Variants in SEMA5A observed in about 807,000 individuals in gnomAD.
SEMA5A encodes semaphorin 5A.
SEMA5A carries 55 observed loss-of-function variants against 135.5 expected under a neutral mutation model. The observed-to-expected ratio is 0.41, with a 90% CI of 0.33 to 0.51. The LOEUF (loss-of-function observed/expected upper bound fraction) is 0.51. Ranked by LOEUF, SEMA5A falls within the 20% of genes least tolerant of loss-of-function variation. The pLI, the probability that SEMA5A is intolerant of heterozygous loss-of-function variation, is 0.37. For missense variants in SEMA5A, 1,290 were observed against 1,419.9 expected (o/e 0.91, Z 1.47); for synonymous variants, 580 against 546.5 (o/e 1.06, Z -0.85).
intron 5 of SEMA5A, among the ~76,000 whole-genome samples, chr5:9,317,808 T>C (rs1261469834): frequency 4.6e-5 from 7 of 152,172 alleles, no homozygotes; most frequent in Admixed American, 2.6e-4. Flanking sequence ...AGTGGGCTTT[T>C]GTGACTCAGA....
intron 6 of SEMA5A, among the ~76,000 whole-genome samples, chr5:9,230,185 G>T (rs943059129): frequency 7.2e-6 from 1 of 138,152 alleles, no homozygotes; most frequent in Non-Finnish European, 1.5e-5. Flanking sequence ...TTTTTTGTAG[G>T]GTCAAGGACT....
At position 9,340,792 on chromosome 5, in the gene SEMA5A, T is replaced by C. The variant is rs1262892776; in HGVS notation, c.125-2980A>G. On this transcript the variant is annotated intron_variant, in intron 3 of 22. Transcript: ENST00000382496. ...GGCCATCTCAACTTTGCATATTACATTGGCTTCTATCTCACTGATACCAAG... is the reference window on the plus strand; with the variant it reads ...GGCCATCTCAACTTTGCATATTACACTGGCTTCTATCTCACTGATACCAAG... Among the ~76,000 whole-genome samples, 10 of 152,154 alleles carry C rather than the reference T, an allele frequency of 6.6e-5. No homozygotes were observed. The East Asian group carries it at 1.9e-3, about 29-fold the overall frequency.
chr5:9,474,850 C>T (rs1759610637), intron 1 of SEMA5A, among the ~76,000 whole-genome samples: 1 of 152,224 alleles, frequency 6.6e-6, no homozygotes, highest in African/African-American at 2.4e-5. Context: ...GTTTCTGAAA[C>T]AGGTGAGCCT....
At chr5:9,152,106 A>G (rs79357825) in intron 12 of SEMA5A, among the ~76,000 whole-genome samples, 1 of 152,224 alleles carries the variant, frequency 6.6e-6, no homozygotes, top group South Asian at 2.1e-4. Context: ...CCCAGACTCA[A>G]GGAAGGAGAG....
chr5:9,286,546 C>T lies in SEMA5A; in HGVS notation c.270+31826G>A, dbSNP rs1374487672. Among the ~76,000 whole-genome samples the T allele has an allele frequency of 2.6e-5, 4 of 152,104 alleles. No homozygotes were observed. The South Asian group carries it at 8.3e-4, about 32-fold the overall frequency. ...TTTGCATGCAGAGAAATGTGGTCCT[C>T]TCCTTGGCTCACCACCTCACTGCCA... On this transcript the variant is annotated intron_variant, in intron 5 of 22. Coordinates refer to ENST00000382496, the MANE Select transcript of SEMA5A (RefSeq NM_003966.3).
At chr5:9,181,283 C>A (rs1009515386) in intron 11 of SEMA5A, among the ~76,000 whole-genome samples, 1 of 152,192 alleles carries the variant, frequency 6.6e-6, no homozygotes, top group Non-Finnish European at 1.5e-5. Context: ...AAGCCACATT[C>A]ATAGGTTCAC....
intron 1 of SEMA5A, among the ~76,000 whole-genome samples, chr5:9,479,670 T>C (rs1190279297): frequency 6.6e-6 from 1 of 152,220 alleles, no homozygotes; most frequent in Non-Finnish European, 1.5e-5. Context: ...GAATAAAATC[T>C]TCTTCGGGTA....
intron 11 of SEMA5A, among the ~76,000 whole-genome samples, chr5:9,179,773 TAGG>T (rs1225698921): frequency 2.6e-5 from 4 of 152,024 alleles, no homozygotes; most frequent in Non-Finnish European, 4.4e-5. Context: ...GTTCAGGGAG[TAGG>T]AGAAGACCAG....
intron 1 of SEMA5A, among the ~76,000 whole-genome samples, chr5:9,540,034 C>G (rs1737990439): frequency 6.6e-6 from 1 of 152,126 alleles, no homozygotes; most frequent in Non-Finnish European, 1.5e-5. Flanking sequence ...TGGTTAGCCC[C>G]CAAAAGTCTT....
At chr5:9,202,369 T>TTTTTAATGCTAC in intron 8 of SEMA5A, 129 bp from the exon 9 acceptor site, 4 of 879,026 alleles carry the variant, frequency 4.6e-6, no homozygotes, top group South Asian at 1.8e-5. Flanking sequence ...ATAGGACTAT[T>TTTTTAATGCTAC]GGGAGGCCCC....
intron 13 of SEMA5A, among the ~76,000 whole-genome samples, chr5:9,129,478 CTTGCTCATTT>C (rs1741287182): frequency 6.6e-6 from 1 of 152,254 alleles, no homozygotes; most frequent in Non-Finnish European, 1.5e-5. Context: ...CATTTAAGCA[CTTGCTCATTT>C]TGACCCTGAG....
chr5:9,426,465 A>ATAAAAT (rs1757664256), intron 2 of SEMA5A, among the ~76,000 whole-genome samples: 1 of 149,788 alleles, frequency 6.7e-6, no homozygotes, highest in South Asian at 2.1e-4. Context: ...ATAAAATAAA[A>ATAAAAT]TAAAATAAAA....
intron 8 of SEMA5A, among the ~76,000 whole-genome samples, chr5:9,220,236 C>T (rs60660062): frequency 1.4e-3 from 211 of 152,244 alleles, no homozygotes; most frequent in African/African-American, 4.9e-3. Flanking sequence ...GGATAAAAGA[C>T]TATATACAGG....
At chr5:9,300,643 G>A (rs1005008086) in intron 5 of SEMA5A, among the ~76,000 whole-genome samples, 1 of 152,124 alleles carries the variant, frequency 6.6e-6, no homozygotes, top group African/African-American at 2.4e-5. Context: ...ACCTGTAATG[G>A]TAACCTTATT....
chr5:9,049,610 C>T (rs778009635), intron 21 of SEMA5A, among the ~76,000 whole-genome samples: 27 of 152,294 alleles, frequency 1.8e-4, no homozygotes, highest in Non-Finnish European at 2.9e-4. Flanking sequence ...CCCTGTGGAA[C>T]GGATTAGGGG....
intron 3 of SEMA5A, among the ~76,000 whole-genome samples, chr5:9,353,314 G>GA (rs1754277752): frequency 2.6e-5 from 1 of 39,094 alleles, no homozygotes; most frequent in African/African-American, 7.4e-5. Context: ...GAAGGGAAGG[G>GA]AAAGGAAGGA....
At chr5:9,387,474 A>G (rs1755946917) in intron 2 of SEMA5A, among the ~76,000 whole-genome samples, 1 of 152,236 alleles carries the variant, frequency 6.6e-6, no homozygotes, top group Non-Finnish European at 1.5e-5. Flanking sequence ...GAATAGAAGC[A>G]AAGTCGTCAG....
At chr5:9,248,792 G>A (rs560913733) in intron 5 of SEMA5A, among the ~76,000 whole-genome samples, 1 of 152,190 alleles carries the variant, frequency 6.6e-6, no homozygotes, top group South Asian at 2.1e-4. Context: ...AGCCAAAAGA[G>A]AAAAAGAACA....
intron 4 of SEMA5A, among the ~76,000 whole-genome samples, chr5:9,319,929 A>C (rs1752552452): frequency 1.3e-5 from 2 of 152,158 alleles, no homozygotes; most frequent in South Asian, 4.1e-4. Context: ...GATGACCAAG[A>C]AACATCCCTA....
Sources: allele counts gnomAD v4.1 joint callset (sites outside exome capture counted in the v4.1 genomes callset), GRCh38; gene constraint gnomAD v4.1.1; transcripts MANE v1.5; gene names NCBI Gene and HGNC (gene_info 2026-07-23, HGNC 2026-07-21).